The following SRBD1 variants were observed in gnomAD, a reference collection of about 807,000 sequenced individuals.
SRBD1 encodes the protein S1 RNA binding domain 1.
Under a neutral mutation model 115.3 loss-of-function variants are expected in SRBD1, and 88 were observed. The observed-to-expected ratio is 0.76, with a 90% CI of 0.64 to 0.91. The LOEUF is 0.91. Ranked by LOEUF, SRBD1 falls within the 40% of genes least tolerant of loss-of-function variation. SRBD1 has a pLI of 0.00. For missense variants in SRBD1, 1,385 were observed against 1,177.4 expected, an observed-to-expected ratio of 1.18 and a Z score of -2.58; for synonymous variants, 509 against 407.7, an observed-to-expected ratio of 1.25 and a Z score of -2.99.
intron 19 of SRBD1, among the ~76,000 whole-genome samples, chr2:45,412,673 T>C (rs767276367): frequency 1.8e-4 from 27 of 152,344 alleles, no homozygotes; most frequent in Non-Finnish European, 3.8e-4. Context: ...ATTCTGTTAA[T>C]GTATACTCAC....
At chr2:45,397,749 C>T (rs546362474) in intron 19 of SRBD1, among the ~76,000 whole-genome samples, 3 of 152,134 alleles carry the variant, frequency 2.0e-5, no homozygotes, top group Admixed American at 2.0e-4. Flanking sequence ...AACCACAAGC[C>T]CAGCTAATTT....
chr2:45,413,274 C>G lies in SRBD1; in HGVS notation c.2353G>C (p.Gly785Arg). 6.2e-7 allele frequency: 1 copy of G among 1,613,290 alleles called. No homozygotes were observed. Among genetic ancestry groups the G allele is most frequent in the Non-Finnish European group, 8.5e-7 (1 of 1,179,794 alleles). Residue 785 changes from glycine (G) to arginine (R), a missense_variant, in exon 19 of 21, where the codon GGC (glycine) becomes CGC (arginine). Physicochemically the swap from Gly to Arg is moderately radical, Grantham distance 125 (BLOSUM62 -2). Coordinates refer to ENST00000263736, the MANE Select transcript of SRBD1 (RefSeq NM_018079.5). ...TFCSQQTETSGQIQGVAVTSS... is the reference protein window; with the variant it reads ...TFCSQQTETSRQIQGVAVTSS... ...GTCACAGCAACTCCTTGAATTTGGCCTGAAGTTTCAGTTTGCTGACTATAT... is the reference window on the plus strand; with the variant it reads ...GTCACAGCAACTCCTTGAATTTGGCGTGAAGTTTCAGTTTGCTGACTATAT...
chr2:45,576,967 G>T (rs553220977), intron 7 of SRBD1, among the ~76,000 whole-genome samples: 1 of 152,094 alleles, frequency 6.6e-6, no homozygotes, highest in Non-Finnish European at 1.5e-5. Flanking sequence ...CTAGAGAAAT[G>T]TTGTAAAGTG....
rs190080450 is a variant in SRBD1, at chr2:45,497,641, C to A, written c.1875-9310G>T. On this transcript the variant is annotated intron_variant, in intron 14 of 20. Coordinates refer to ENST00000263736, the MANE Select transcript of SRBD1 (RefSeq NM_018079.5). The stretch of plus-strand genomic sequence containing the variant: ...TTAAGGTTTGCTGAGGTATGATTTA[C>A]ATTGCATAAAATTCACCCATGTTAA... Among the ~76,000 whole-genome samples, 145 of 152,272 alleles carry A rather than the reference C, an allele frequency of 9.5e-4. 1 individual carries two copies. Among genetic ancestry groups the A allele is most frequent in the Non-Finnish European group, 1.8e-4 (12 of 68,016 alleles).
At chr2:45,582,661 A>G (rs2104187723) in intron 5 of SRBD1, among the ~76,000 whole-genome samples, 1 of 152,284 alleles carries the variant, frequency 6.6e-6, no homozygotes, top group South Asian at 2.1e-4. Context: ...AGATTTGGCC[A>G]AAAGTAACCC....
At chr2:45,610,949 G>T (rs1001844693) in intron 1 of SRBD1, among the ~76,000 whole-genome samples, 3 of 150,844 alleles carry the variant, frequency 2.0e-5, no homozygotes, top group Admixed American at 6.6e-5. Flanking sequence ...AAACAGGCTT[G>T]CCCAGGCTTT....
At chr2:45,540,879 T>C (rs1463978120) in intron 14 of SRBD1, among the ~76,000 whole-genome samples, 4 of 152,214 alleles carry the variant, frequency 2.6e-5, no homozygotes, top group Non-Finnish European at 4.4e-5. Flanking sequence ...GCACTGACCA[T>C]AACTTCATAA....
At chr2:45,455,674 A>G (rs75057078) in intron 16 of SRBD1, among the ~76,000 whole-genome samples, 3,919 of 151,892 alleles carry the variant, frequency 0.026, 78 homozygotes, top group Non-Finnish European at 0.039. Flanking sequence ...TCTCCCTGAC[A>G]CAACTTTGCA....
intron 4 of SRBD1, among the ~76,000 whole-genome samples, chr2:45,595,571 T>C (rs1016421126): frequency 1.3e-5 from 2 of 152,214 alleles, no homozygotes; most frequent in Non-Finnish European, 2.9e-5. Flanking sequence ...TGACTCTCAT[T>C]CTTGTCAGTT....
In SRBD1 at chr2:45,418,550, A is replaced by T; in HGVS notation, c.2157-9T>A. 1 of 1,591,108 alleles carries T rather than the reference A, an allele frequency of 6.3e-7. No homozygotes were observed. The highest frequency in any genetic ancestry group is 8.5e-7 in the Non-Finnish European group (1 of 1,173,770). ...TGAGTCCTGCAATATGCCTAGAAAA[A>T]AAAAATAAGCAAACTGAAAAAAAGA... On this transcript the variant is annotated splice_polypyrimidine_tract_variant and intron_variant, in intron 17 of 20. Coordinates refer to ENST00000263736, the MANE Select transcript of SRBD1 (RefSeq NM_018079.5).
chr2:45,508,411 C>T (rs1415262905), intron 14 of SRBD1, among the ~76,000 whole-genome samples: 4 of 151,978 alleles, frequency 2.6e-5, no homozygotes, highest in Non-Finnish European at 5.9e-5. Flanking sequence ...TTTTATTTCC[C>T]CTAAGTTTAT....
Position 45,546,046 on chromosome 2 carries a change from T to C in SRBD1, c.1874+686A>G, listed in dbSNP as rs76956038. 9.3e-4 allele frequency: 504 copies of C among 542,018 alleles called. 3 individuals are homozygous for C. The African/African-American group carries it at 1.0e-2, about 11-fold the overall frequency. 33.6% of individuals were successfully genotyped at this position (542,018 alleles called of 1,614,324 possible). ...TAAATATCAGCCATTATAACTACTC[T>C]CTCTCCTAGAATTAAATCCTTTAGG... On this transcript the variant is annotated intron_variant, in intron 14 of 20. Transcript: ENST00000263736.
At chr2:45,466,152 GTTCTT>G (rs1669480228) in intron 16 of SRBD1, among the ~76,000 whole-genome samples, 1 of 152,150 alleles carries the variant, frequency 6.6e-6, no homozygotes, top group African/African-American at 2.4e-5. Flanking sequence ...AACACTAGCT[GTTCTT>G]TTGTGTGTGT....
At chr2:45,592,708 A>G (rs1419313216) in intron 4 of SRBD1, among the ~76,000 whole-genome samples, 1 of 152,138 alleles carries the variant, frequency 6.6e-6, no homozygotes, top group African/African-American at 2.4e-5. Context: ...GGATCCACTC[A>G]TTGTTTGGTC....
intron 3 of SRBD1, among the ~76,000 whole-genome samples, chr2:45,601,367 A>G (rs1489417106): frequency 2.0e-5 from 3 of 152,224 alleles, no homozygotes; most frequent in Admixed American, 2.0e-4. Flanking sequence ...TTAAACTATT[A>G]AATATTAAAC....
intron 14 of SRBD1, among the ~76,000 whole-genome samples, chr2:45,543,645 T>C (rs1672018110): frequency 1.6e-5 from 2 of 121,976 alleles, no homozygotes; most frequent in African/African-American, 5.5e-5. Context: ...AACAGGCACT[T>C]TGAATTGGCA....
At chr2:45,439,738 T>C (rs1475840492) in intron 16 of SRBD1, among the ~76,000 whole-genome samples, 1 of 151,612 alleles carries the variant, frequency 6.6e-6, no homozygotes, top group African/African-American at 2.4e-5. Flanking sequence ...AAATTGTCTA[T>C]AAAGACTGTA....
At chr2:45,486,556 T>C (rs1011467093) in intron 15 of SRBD1, among the ~76,000 whole-genome samples, 4 of 151,740 alleles carry the variant, frequency 2.6e-5, no homozygotes, top group African/African-American at 9.7e-5. Context: ...TGAAACCTCG[T>C]CTCTACTAAA....
At chr2:45,577,653 T>C (rs1673221268) in intron 7 of SRBD1, among the ~76,000 whole-genome samples, 1 of 140,008 alleles carries the variant, frequency 7.1e-6, no homozygotes, top group Admixed American at 6.8e-5. Context: ...AAGTGTCTTC[T>C]ACTGGGGAAA....
Sources: gnomAD v4.1 joint callset for allele counts (sites outside exome capture counted in the v4.1 genomes callset) on GRCh38, gnomAD v4.1.1 for gene constraint, MANE v1.5 for transcripts, NCBI Gene and HGNC (gene_info 2026-07-23, HGNC 2026-07-21) for gene names.